SCFD2: variants seen among roughly 807,000 people sequenced by gnomAD.
SCFD2 encodes sec1 family domain-containing protein 2.
In SCFD2, 54 loss-of-function variants were observed where a neutral mutation model predicts 58.9. That is an observed-to-expected ratio of 0.92 (90% CI 0.74 to 1.15). The LOEUF (loss-of-function observed/expected upper bound fraction) is 1.15, where lower values mean the gene tolerates loss of function less well. Ranked by LOEUF, SCFD2 falls within the 50% of genes most tolerant of loss-of-function variation. The probability of loss-of-function intolerance (pLI) is 0.00; values close to 1 mark genes in which losing one functional copy is unlikely to be tolerated. For missense variants in SCFD2, 805 were observed against 836.6 expected, an observed-to-expected ratio of 0.96 and a Z score of 0.47; for synonymous variants, 321 against 335.9, an observed-to-expected ratio of 0.96 and a Z score of 0.49.
chr4:53,261,588 T>G (rs1730830526), intron 4 of SCFD2, among the ~76,000 whole-genome samples: 1 of 152,160 alleles, frequency 6.6e-6, no homozygotes, highest in Non-Finnish European at 1.5e-5. Flanking sequence ...TGAGAGAGTA[T>G]CTACTATAAT....
intron 5 of SCFD2, among the ~76,000 whole-genome samples, chr4:53,108,430 G>A (rs756874694): frequency 5.9e-5 from 9 of 151,900 alleles, no homozygotes; most frequent in Non-Finnish European, 1.2e-4. Context: ...AATCCAGGAG[G>A]TGCTTTTTTT....
intron 5 of SCFD2, among the ~76,000 whole-genome samples, chr4:52,976,189 G>C (rs1004034104): frequency 4.6e-5 from 7 of 151,868 alleles, no homozygotes; most frequent in Non-Finnish European, 7.4e-5. Context: ...AAAATTGGTT[G>C]TTTCTAAGAT....
chr4:52,929,706 A>C (rs1218547810), intron 5 of SCFD2, among the ~76,000 whole-genome samples: 3 of 152,200 alleles, frequency 2.0e-5, no homozygotes, highest in Non-Finnish European at 4.4e-5. Flanking sequence ...TTAGGGATGC[A>C]GGCACTGGGA....
At chr4:52,924,896 C>A (rs1466362420) in intron 5 of SCFD2, among the ~76,000 whole-genome samples, 2 of 152,008 alleles carry the variant, frequency 1.3e-5, no homozygotes, top group Non-Finnish European at 2.9e-5. Flanking sequence ...GCAGCTCATT[C>A]CAAATATATG....
chr4:53,085,421 G>C (rs1393201857), intron 5 of SCFD2, among the ~76,000 whole-genome samples: 5 of 152,068 alleles, frequency 3.3e-5, no homozygotes, highest in African/African-American at 9.7e-5. Flanking sequence ...CCTGTTCGTG[G>C]ACTAGAAGAA....
intron 4 of SCFD2, among the ~76,000 whole-genome samples, chr4:53,264,045 G>C (rs1243704764): frequency 6.6e-6 from 1 of 152,172 alleles, no homozygotes; most frequent in Non-Finnish European, 1.5e-5. Context: ...AGCTGCCTCT[G>C]CTGAATCACA....
At chr4:52,911,244 C>T (rs1310996704) in intron 6 of SCFD2, among the ~76,000 whole-genome samples, 1 of 152,090 alleles carries the variant, frequency 6.6e-6, no homozygotes, top group Non-Finnish European at 1.5e-5. Flanking sequence ...GTCCTGTGAC[C>T]CAGTGTAGAC....
At chr4:52,925,371 TAC>T (rs200771703) in intron 5 of SCFD2, among the ~76,000 whole-genome samples, 10 of 137,884 alleles carry the variant, frequency 7.3e-5, no homozygotes, top group African/African-American at 3.3e-4. Context: ...TATATATATA[TAC>T]ATGATCAACA....
chr4:52,899,509 G>T (rs182814639), intron 7 of SCFD2, among the ~76,000 whole-genome samples: 1 of 152,128 alleles, frequency 6.6e-6, no homozygotes, highest in African/African-American at 2.4e-5. Context: ...GAGTTTCTGC[G>T]GAGAGATCTG....
intron 4 of SCFD2, among the ~76,000 whole-genome samples, chr4:53,211,760 A>C (rs1369097423): frequency 2.0e-5 from 3 of 152,244 alleles, no homozygotes; most frequent in East Asian, 3.9e-4. Context: ...GAAGAAAAGC[A>C]TGGTTTGAGA....
intron 5 of SCFD2, among the ~76,000 whole-genome samples, chr4:53,128,779 T>C (rs1725705912): frequency 6.6e-6 from 1 of 152,218 alleles, no homozygotes; most frequent in Non-Finnish European, 1.5e-5. Context: ...CTATGAACTA[T>C]AACTACAGTG....
chr4:53,339,355 T>C (rs1733788339), intron 2 of SCFD2, among the ~76,000 whole-genome samples: 3 of 150,392 alleles, frequency 2.0e-5, no homozygotes, highest in Admixed American at 1.3e-4. Flanking sequence ...TATGTAAATG[T>C]ATATTACATA....
At chr4:53,096,065 C>T (rs1490688969) in intron 5 of SCFD2, among the ~76,000 whole-genome samples, 1 of 152,142 alleles carries the variant, frequency 6.6e-6, no homozygotes, top group African/African-American at 2.4e-5. Context: ...TTTTTTATGG[C>T]TGCGTAGTAT....
At chr4:53,026,365 G>A (rs562687525) in intron 5 of SCFD2, among the ~76,000 whole-genome samples, 14 of 152,168 alleles carry the variant, frequency 9.2e-5, no homozygotes, top group Non-Finnish European at 1.5e-4. Flanking sequence ...CTGTGCTTCC[G>A]ACGCCTAGCA....
At chr4:53,025,898 A>G (rs1207596420) in intron 5 of SCFD2, among the ~76,000 whole-genome samples, 1 of 152,236 alleles carries the variant, frequency 6.6e-6, no homozygotes, top group African/African-American at 2.4e-5. Flanking sequence ...TGATTTCCAC[A>G]GGGATAATTT....
chr4:52,889,309 A>C (rs189957551), intron 7 of SCFD2, among the ~76,000 whole-genome samples: 7 of 152,364 alleles, frequency 4.6e-5, no homozygotes, highest in African/African-American at 1.7e-4. Flanking sequence ...TTTAATTCTC[A>C]AAATATCCTT....
intron 4 of SCFD2, among the ~76,000 whole-genome samples, chr4:53,178,559 C>A (rs1727426013): frequency 6.6e-6 from 1 of 152,160 alleles, no homozygotes; most frequent in African/African-American, 2.4e-5. Flanking sequence ...AAAAACAGAG[C>A]AGAAAAACTG....
intron 4 of SCFD2, among the ~76,000 whole-genome samples, chr4:53,146,527 T>C (rs1180218726): frequency 3.3e-5 from 5 of 152,222 alleles, no homozygotes; most frequent in African/African-American, 7.2e-5. Flanking sequence ...AAGCATTCAT[T>C]GAGCACCTAC....
rs571662694 is a variant in SCFD2 at position 53,364,545 on chromosome 4, T to A, written c.838+559A>T. ...TCTTTAATACAATGAGAGCTAAAAA[T>A]AAATCAATAAACATTTGAAAATATT... On this transcript the variant is annotated intron_variant, in intron 1 of 8. Transcript: ENST00000401642. Among the ~76,000 whole-genome samples, 3 of 152,328 alleles carry A rather than the reference T, an allele frequency of 2.0e-5. No individual in the cohort carries two copies. In the South Asian group the frequency reaches 6.2e-4, roughly 32 times the overall value.
Sources: allele counts gnomAD v4.1 joint callset (sites outside exome capture counted in the v4.1 genomes callset), GRCh38; gene constraint gnomAD v4.1.1; transcripts MANE v1.5; gene names NCBI Gene and HGNC (gene_info 2026-07-23, HGNC 2026-07-21).